SOX5: variants seen among roughly 807,000 people sequenced by gnomAD.
SOX5 encodes SRY-box transcription factor 5.
Under a neutral mutation model 92.0 loss-of-function variants are expected in SOX5, and 9 were observed. The ratio of observed to expected loss-of-function variants is 0.10; its 90% CI spans 0.06 to 0.17. SOX5 has a LOEUF of 0.17. Among genes scored for constraint, SOX5 ranks in the 10% least tolerant of loss-of-function variants. The probability of loss-of-function intolerance (pLI) is 1.00; values close to 1 mark genes in which losing one functional copy is unlikely to be tolerated. For missense variants in SOX5, 642 were observed against 944.5 expected, an observed-to-expected ratio of 0.68 and a Z score of 4.20; for synonymous variants, 344 against 336.3, an observed-to-expected ratio of 1.02 and a Z score of -0.25.
At chr12:23,814,546 C>T (rs2095947412) in intron 3 of SOX5, among the ~76,000 whole-genome samples, 1 of 152,154 alleles carries the variant, frequency 6.6e-6, no homozygotes, top group Non-Finnish European at 1.5e-5. Flanking sequence ...TTCTACAAAA[C>T]AATTTTTCTG....
intron 3 of SOX5, among the ~76,000 whole-genome samples, chr12:23,784,995 C>T (rs367719905): frequency 2.0e-5 from 3 of 152,234 alleles, no homozygotes; most frequent in African/African-American, 7.2e-5. Flanking sequence ...GGTGGGAGGG[C>T]CACTTGAGCC....
chr12:23,904,323 CCCA>C (rs1341594846), intron 1 of SOX5, among the ~76,000 whole-genome samples: 2,321 of 152,176 alleles, frequency 0.015, 59 homozygotes, highest in African/African-American at 0.053. Context: ...CCCATTTCTT[CCCA>C]CATACAAAAA....
chr12:23,839,809 T>A (rs1272700129), intron 3 of SOX5, among the ~76,000 whole-genome samples: 1 of 140,786 alleles, frequency 7.1e-6, no homozygotes, highest in Non-Finnish European at 1.5e-5. Context: ...AGGAATAGAG[T>A]GAGGCCTTCT....
intron 2 of SOX5, among the ~76,000 whole-genome samples, chr12:23,868,692 CAT>C (rs964690438): frequency 6.6e-6 from 1 of 152,050 alleles, no homozygotes; most frequent in African/African-American, 2.4e-5. Flanking sequence ...ACAGAACACC[CAT>C]ATCCCTTCAT....
At chr12:24,038,005 C>A (rs1956206705) in intron 4 of SOX5, among the ~76,000 whole-genome samples, 1 of 152,078 alleles carries the variant, frequency 6.6e-6, no homozygotes, top group South Asian at 2.1e-4. Flanking sequence ...CTTTCTGAAG[C>A]CACTCAGTTA....
chr12:23,529,896 C>G lies in SOX5; in HGVS notation c.*4323G>C, dbSNP rs1938600728. On this transcript the variant is annotated 3_prime_UTR_variant, in exon 15 of 15. Coordinates refer to ENST00000451604, the MANE Select transcript of SOX5 (RefSeq NM_006940.6). ...TTTTTTCCATTTTTACTTGTAAAAT[C>G]CAAAATATTAGAAGGACTAAGAGCT... 6.6e-6 allele frequency: 1 copy of G among 151,926 alleles called. No individual in the cohort carries two copies. Among genetic ancestry groups the G allele is most frequent in the South Asian group, 2.1e-4 (1 of 4,818 alleles). 9.4% of individuals were successfully genotyped at this position (151,926 alleles called of 1,614,324 possible).
intron 3 of SOX5, among the ~76,000 whole-genome samples, chr12:23,822,162 T>C (rs149273391): frequency 0.014 from 2,188 of 152,296 alleles, 50 homozygotes; most frequent in African/African-American, 0.051. Flanking sequence ...TGTCTTCCGC[T>C]AGCTTTTGAA....
chr12:24,514,695 CAT>C (rs1431339934), intron 1 of SOX5, among the ~76,000 whole-genome samples: 1 of 152,186 alleles, frequency 6.6e-6, no homozygotes, highest in East Asian at 1.9e-4. Context: ...AAATGTGGTA[CAT>C]ATACACCTTG....
intron 7 of SOX5, among the ~76,000 whole-genome samples, chr12:23,646,003 A>G (rs2080801801): frequency 6.6e-6 from 1 of 152,210 alleles, no homozygotes; most frequent in African/African-American, 2.4e-5. Context: ...TAAAACATAT[A>G]CATACCTTAA....
intron 4 of SOX5, among the ~76,000 whole-genome samples, chr12:23,965,559 C>T (rs1257863202): frequency 6.6e-6 from 1 of 152,178 alleles, no homozygotes; most frequent in Non-Finnish European, 1.5e-5. Context: ...ATAACCACAA[C>T]CACTCCACAA....
chr12:24,087,088 T>C (rs1046704480), intron 4 of SOX5, among the ~76,000 whole-genome samples: 2 of 152,072 alleles, frequency 1.3e-5, no homozygotes, highest in Non-Finnish European at 2.9e-5. Context: ...CATGCATATG[T>C]TTCTACATGT....
chr12:23,984,302 A>G (rs1454873072), intron 4 of SOX5, among the ~76,000 whole-genome samples: 1 of 152,184 alleles, frequency 6.6e-6, no homozygotes, highest in East Asian at 1.9e-4. Flanking sequence ...GAGCAAGTTT[A>G]GATTAAAAGG....
At chr12:24,241,000 T>C (rs1219791293) in intron 3 of SOX5, among the ~76,000 whole-genome samples, 1 of 152,196 alleles carries the variant, frequency 6.6e-6, no homozygotes, top group African/African-American at 2.4e-5. Flanking sequence ...GTGTGATGGT[T>C]TATATGTGGT....
At chr12:23,932,988 T>C (rs1402467233) in intron 1 of SOX5, among the ~76,000 whole-genome samples, 1 of 151,696 alleles carries the variant, frequency 6.6e-6, no homozygotes, top group Non-Finnish European at 1.5e-5. Context: ...TCTTATTCCC[T>C]ACTCTTCCCT....
rs555400765 is a variant in SOX5 at position 24,401,162 on chromosome 12, G to A, written c.-250-32523C>T. ...AGGTCAGGAGTTCAAGACCAACCTG[G>A]CCAACAAGGTGAAACCCTATCTCTA... On this transcript the variant is annotated intron_variant, in intron 1 of 4. Transcript: ENST00000446891. Among the ~76,000 whole-genome samples, 27 of 152,088 alleles carry A rather than the reference G, an allele frequency of 1.8e-4. No individual in the cohort carries two copies. The South Asian group carries it at 5.6e-3, about 32-fold the overall frequency.
chr12:23,896,730 A>AAC (rs1568743700), intron 1 of SOX5, among the ~76,000 whole-genome samples: 3 of 151,264 alleles, frequency 2.0e-5, no homozygotes, highest in African/African-American at 7.3e-5. Flanking sequence ...AAAAAAAAAA[A>AAC]AGGTGAGAAT....
chr12:24,169,526 A>T (rs1953822029), intron 4 of SOX5, among the ~76,000 whole-genome samples: 1 of 152,208 alleles, frequency 6.6e-6, no homozygotes, highest in Non-Finnish European at 1.5e-5. Flanking sequence ...CTCGGCCATG[A>T]TCTTCATAGT....
At chr12:23,725,517 T>G (rs1355850602) in intron 6 of SOX5, among the ~76,000 whole-genome samples, 5 of 152,136 alleles carry the variant, frequency 3.3e-5, no homozygotes, top group African/African-American at 4.8e-5. Flanking sequence ...TCCTATGACA[T>G]GTGGGAATTA....
At chr12:23,656,749 T>C (rs2082353438) in intron 7 of SOX5, among the ~76,000 whole-genome samples, 1 of 151,834 alleles carries the variant, frequency 6.6e-6, no homozygotes, top group Admixed American at 6.6e-5. Flanking sequence ...ATATTACACA[T>C]CTATATCTAA....
Sources: allele counts gnomAD v4.1 joint callset (sites outside exome capture counted in the v4.1 genomes callset), GRCh38; gene constraint gnomAD v4.1.1; transcripts MANE v1.5; gene names NCBI Gene and HGNC (gene_info 2026-07-23, HGNC 2026-07-21).